COL13A1: variants seen among roughly 807,000 people sequenced by gnomAD.
COL13A1 encodes the protein collagen type XIII alpha 1 chain.
In COL13A1, 89 loss-of-function variants were observed where a neutral mutation model predicts 130.9. The ratio of observed to expected loss-of-function variants is 0.68; its 90% confidence interval spans 0.57 to 0.81. The LOEUF (loss-of-function observed/expected upper bound fraction) is 0.81. COL13A1 is among the 30% of genes least tolerant of loss of function. COL13A1 has a pLI of 0.00. For synonymous variants in COL13A1, 402 were observed against 341.6 expected (o/e 1.18, Z -1.95); for missense variants, 879 against 934.6 (o/e 0.94, Z 0.78).
intron 17 of COL13A1, among the ~76,000 whole-genome samples, chr10:69,908,564 C>T (rs965970677): frequency 2.0e-5 from 3 of 152,196 alleles, no homozygotes; most frequent in African/African-American, 7.2e-5. Flanking sequence ...CTGCTGCAAA[C>T]TGGAAGAGTG....
intron 19 of COL13A1, 137 bp from the exon 20 acceptor site, chr10:69,918,925 A>T: frequency 1.0e-6 from 1 of 987,916 alleles, no homozygotes; most frequent in Non-Finnish European, 1.6e-6. Context: ...ATGCCTGAAC[A>T]GAGAAGAGCC....
At chr10:69,898,500 C>A (rs1380545962) in intron 13 of COL13A1, among the ~76,000 whole-genome samples, 197 bp from the exon 14 acceptor site, 1 of 152,268 alleles carries the variant, frequency 6.6e-6, no homozygotes, top group African/African-American at 2.4e-5. Context: ...AAGCTCCGCT[C>A]TGCATCCTCA....
At position 69,901,561 on chromosome 10, in the gene COL13A1, C is replaced by T. The variant is rs111678053; in HGVS notation, c.751-1187C>T. On this transcript the variant is annotated intron_variant, in intron 14 of 40. Coordinates refer to ENST00000645393, the MANE Select transcript of COL13A1 (RefSeq NM_001368882.1). Reference sequence around the variant, plus strand: ...GTGGGCCGGCCTGGAACTCCAGCCGCCTGCATCCCCCAGCCTCCACCCTAG... The same window carrying T: ...GTGGGCCGGCCTGGAACTCCAGCCGTCTGCATCCCCCAGCCTCCACCCTAG... Among the ~76,000 whole-genome samples, 843 of 152,298 alleles carry T rather than the reference C, an allele frequency of 5.5e-3. 7 individuals are homozygous for T. The highest frequency in any genetic ancestry group is 0.02 in the African/African-American group (815 of 41,568).
intron 1 of COL13A1, among the ~76,000 whole-genome samples, chr10:69,815,391 G>A (rs1844199406): frequency 6.6e-6 from 1 of 152,220 alleles, no homozygotes; most frequent in Admixed American, 6.5e-5. Flanking sequence ...CAACCGATCA[G>A]GCGGGTGATG....
intron 2 of COL13A1, among the ~76,000 whole-genome samples, chr10:69,860,249 G>A (rs770908736): frequency 2.3e-4 from 35 of 152,198 alleles, no homozygotes; most frequent in African/African-American, 7.0e-4. Context: ...TGGATGGGGC[G>A]GTCTCCTGAG....
chr10:69,885,178 G>T (rs932729905), intron 7 of COL13A1, among the ~76,000 whole-genome samples: 5 of 151,984 alleles, frequency 3.3e-5, no homozygotes, highest in African/African-American at 1.2e-4. Context: ...AAACCCAAAA[G>T]CCATAGGAGA....
At chr10:69,898,811 C>G (rs202094040) in intron 14 of COL13A1, 49 bp downstream of exon 14, 3 of 1,491,060 alleles carry the variant, frequency 2.0e-6, no homozygotes, top group Non-Finnish European at 2.8e-6. Flanking sequence ...CCAAGGGGCC[C>G]GGCAAGCCTG....
chr10:69,842,590 C>G (rs1851893400), intron 2 of COL13A1, among the ~76,000 whole-genome samples: 1 of 152,214 alleles, frequency 6.6e-6, no homozygotes. Context: ...CATCCCCACC[C>G]AAACGCAGGG....
chr10:69,849,834 C>A (rs147709830), intron 2 of COL13A1, among the ~76,000 whole-genome samples: 168 of 152,340 alleles, frequency 1.1e-3, no homozygotes, highest in Non-Finnish European at 1.2e-3. Context: ...CCAGGTGATT[C>A]CAGCTTCCTT....
intron 40 of COL13A1, 79 bp downstream of exon 40, chr10:69,957,121 G>C: frequency 7.7e-7 from 1 of 1,295,262 alleles, no homozygotes; most frequent in Admixed American, 1.7e-5. Context: ...ATTCTGCCTT[G>C]CTACAGATGA....
chr10:69,880,625 G>A (rs760432752), intron 7 of COL13A1, 72 bp downstream of exon 7: 45 of 1,508,864 alleles, frequency 3.0e-5, no homozygotes, highest in Non-Finnish European at 3.8e-5. Flanking sequence ...TTTAGGCTGG[G>A]GATGAGGGGA....
intron 34 of COL13A1, among the ~76,000 whole-genome samples, chr10:69,940,428 G>A (rs1014535677): frequency 6.6e-6 from 1 of 152,198 alleles, no homozygotes; most frequent in African/African-American, 2.4e-5. Flanking sequence ...TTCCCCCAGG[G>A]TGAAGGATAA....
At chr10:69,935,544 A>G (rs1194348255) in intron 32 of COL13A1, among the ~76,000 whole-genome samples, 153 bp downstream of exon 32, 1 of 152,136 alleles carries the variant, frequency 6.6e-6, no homozygotes, top group African/African-American at 2.4e-5. Flanking sequence ...TTTCCCTCCC[A>G]TGTTAAACAG....
chr10:69,855,759 C>A lies in COL13A1; in HGVS notation c.365-12039C>A, dbSNP rs367849085. 3.1e-4 allele frequency among the ~76,000 whole-genome samples: 38 copies of A among 122,888 alleles called. 2 individuals carry two copies. The highest frequency in any genetic ancestry group is 2.1e-3 in the Admixed American group (25 of 11,942). 80.6% of individuals were successfully genotyped at this position (122,888 alleles called of 152,430 possible). On this transcript the variant is annotated intron_variant, in intron 2 of 40. Transcript: ENST00000645393. ...TGTGGGGCTTGTCTTCAGCTCTGGG[C>A]TCCATGCCCAGTAGAAGGGGGGAGG... is the stretch of plus-strand genomic sequence containing the variant.
At chr10:69,912,275 C>T (rs2063460946) in intron 17 of COL13A1, among the ~76,000 whole-genome samples, 1 of 152,174 alleles carries the variant, frequency 6.6e-6, no homozygotes, top group South Asian at 2.1e-4. Flanking sequence ...TTCCAAAGCC[C>T]TGGCCTTCAA....
At chr10:69,910,450 G>A (rs1297876779) in intron 17 of COL13A1, among the ~76,000 whole-genome samples, 1 of 152,090 alleles carries the variant, frequency 6.6e-6, no homozygotes, top group African/African-American at 2.4e-5. Flanking sequence ...ACACCTTTCT[G>A]ACACCACAGG....
At chr10:69,810,962 C>A (rs1193995647) in intron 1 of COL13A1, among the ~76,000 whole-genome samples, 1 of 152,214 alleles carries the variant, frequency 6.6e-6, no homozygotes, top group Middle Eastern at 3.2e-3. Flanking sequence ...GGCAGAACTG[C>A]CTGCCAGAGA....
chr10:69,958,989 G>C lies in COL13A1; in HGVS notation c.*288G>C. Reference sequence around the variant, plus strand: ...GAAGCTTAATAAATTATTGTGTCCTGGTGCCAAAGGGGGCCAGCCAGAACT... The same window carrying C: ...GAAGCTTAATAAATTATTGTGTCCTCGTGCCAAAGGGGGCCAGCCAGAACT... On this transcript the variant is annotated 3_prime_UTR_variant, in exon 41 of 41. Coordinates refer to ENST00000645393, the MANE Select transcript of COL13A1 (RefSeq NM_001368882.1). 1 of 399,944 alleles carries C rather than the reference G, an allele frequency of 2.5e-6. No individual in the cohort carries two copies. Among genetic ancestry groups the C allele is most frequent in the East Asian group, 4.7e-5 (1 of 21,394 alleles). The allele number at this position is 399,944 out of a possible 1,614,324, so 24.8% of individuals were successfully genotyped here.
At chr10:69,930,664 C>A in intron 30 of COL13A1, 112 bp downstream of exon 30, 1 of 1,269,392 alleles carries the variant, frequency 7.9e-7, no homozygotes, top group Non-Finnish European at 1.1e-6. Context: ...GGCTAGAAAC[C>A]TGGGGCCAGG....
Sources: gnomAD v4.1 joint callset for allele counts (sites outside exome capture counted in the v4.1 genomes callset) on GRCh38, gnomAD v4.1.1 for gene constraint, MANE v1.5 for transcripts, NCBI Gene and HGNC (gene_info 2026-07-23, HGNC 2026-07-21) for gene names.